PRDM10: variants seen among roughly 807,000 people sequenced by gnomAD.
The protein encoded by PRDM10 is PR/SET domain 10.
PRDM10 carries 65 observed loss-of-function variants against 133.1 expected under a neutral mutation model. That is an observed-to-expected ratio of 0.49 (90% confidence interval 0.40 to 0.60). The LOEUF (loss-of-function observed/expected upper bound fraction) is 0.60. PRDM10 is among the 20% of genes least tolerant of loss of function. The pLI is 0.00. For synonymous variants in PRDM10, 582 were observed against 580.4 expected (o/e 1.00, Z -0.04); for missense variants, 1,137 against 1,507.1 (o/e 0.75, Z 4.07).
chr11:129,988,467 A>C (rs1938545610), intron 1 of PRDM10, among the ~76,000 whole-genome samples: 1 of 151,630 alleles, frequency 6.6e-6, no homozygotes, highest in South Asian at 2.1e-4. Context: ...CCTGGGCTCA[A>C]GTGATTCACC....
Position 129,915,675 on chromosome 11 carries a change from C to G in PRDM10, c.2511G>C (p.Lys837Asn). 1 of 1,610,116 alleles carries G rather than the reference C, an allele frequency of 6.2e-7. No homozygotes were observed. The highest frequency in any genetic ancestry group is 8.5e-7 in the Non-Finnish European group (1 of 1,177,702). ...TPPVCCPHCS[K>N]QYSSKTKMVQ... The stretch of plus-strand genomic sequence containing the variant: ...CTCCCCCTACCTTGCTGCTGTACTG[C>G]TTGGAGCAGTGGGGACAGCAGACGG... The change falls in exon 16 of 21, where the codon AAG becomes AAC. Residue 837 changes from lysine to asparagine, a missense_variant. Physicochemically the swap from Lys to Asn is moderately conservative, Grantham distance 94 (BLOSUM62 0). Coordinates refer to ENST00000360871, the MANE Select transcript of PRDM10 (RefSeq NM_199437.2).
intron 1 of PRDM10, among the ~76,000 whole-genome samples, chr11:129,982,386 C>T (rs1177002431): frequency 6.6e-6 from 1 of 151,906 alleles, no homozygotes; most frequent in Non-Finnish European, 1.5e-5. Context: ...CCTCAGCCTC[C>T]CAAGTAGCTG....
chr11:129,955,481 A>G lies in PRDM10; in HGVS notation c.294+31T>C, dbSNP rs1294070991. ...CAGGCGCAGTGGCATTCACAGTGTT[A>G]TCCCCAAACAAGAAAAAGGCAGTTC... On this transcript the variant is annotated intron_variant, in intron 4 of 20. Transcript: ENST00000360871. 1.9e-6 allele frequency: 3 copies of G among 1,607,856 alleles called. No homozygotes were observed. The Admixed American group carries it at 5.0e-5, about 27-fold the overall frequency.
In PRDM10 at chr11:129,912,588, G is replaced by A. The variant is rs576724727; in HGVS notation, c.2842-363C>T. Among the ~76,000 whole-genome samples, 666 of 151,846 alleles carry A rather than the reference G, an allele frequency of 4.4e-3. 5 individuals are homozygous for A. The highest frequency in any genetic ancestry group is 0.015 in the African/African-American group (633 of 41,432). ...AACATGGTGAAACCCCGTCTCTACT[G>A]AAAATACAAAAAAATTAGCTGGGTG... is the stretch of plus-strand genomic sequence containing the variant. On this transcript the variant is annotated intron_variant, in intron 17 of 20. Coordinates refer to ENST00000360871, the MANE Select transcript of PRDM10 (RefSeq NM_199437.2).
chr11:129,903,657 A>C (rs1044963501), intron 20 of PRDM10, among the ~76,000 whole-genome samples: 6 of 152,148 alleles, frequency 3.9e-5, no homozygotes, highest in Non-Finnish European at 4.4e-5. Flanking sequence ...TCGCAGAGAG[A>C]CTGTCAGGCA....
rs554094995 is a variant in PRDM10 at position 129,959,851 on chromosome 11, T to C, written c.69+1045A>G. Among the ~76,000 whole-genome samples the C allele has an allele frequency of 1.2e-4, 18 of 152,132 alleles. No individual in the cohort carries two copies. The South Asian group carries it at 1.7e-3, about 14-fold the overall frequency. ...TAGAGTGTAGTGGTGCAGTCATGGT[T>C]CACTGCAGCCTCCACCTCCTAGAGA... On this transcript the variant is annotated intron_variant, in intron 2 of 20. Transcript: ENST00000360871.
At chr11:129,960,832 C>T in intron 2 of PRDM10, 64 bp downstream of exon 2, 1 of 1,536,394 alleles carries the variant, frequency 6.5e-7, no homozygotes, top group Non-Finnish European at 9.0e-7. Context: ...TATTTCTTTG[C>T]TGTCAGCAAA....
At chr11:129,990,070 G>A (rs1464823094) in intron 1 of PRDM10, among the ~76,000 whole-genome samples, 3 of 152,062 alleles carry the variant, frequency 2.0e-5, no homozygotes, top group African/African-American at 4.8e-5. Flanking sequence ...CAGGCATGGG[G>A]CGTGGTGGCT....
chr11:129,998,941 T>C (rs1422580414), intron 1 of PRDM10, among the ~76,000 whole-genome samples: 1 of 151,208 alleles, frequency 6.6e-6, no homozygotes, highest in African/African-American at 2.4e-5. Context: ...TCCCACCTCA[T>C]CCTCCTGAGT....
chr11:129,976,124 G>C (rs563994476), intron 1 of PRDM10, among the ~76,000 whole-genome samples: 1 of 152,272 alleles, frequency 6.6e-6, no homozygotes, highest in Admixed American at 6.5e-5. Context: ...ATCAGCACAG[G>C]CCATCCTGTG....
chr11:129,923,099 C>T lies in PRDM10; in HGVS notation c.2034+149G>A. On this transcript the variant is annotated intron_variant, in intron 13 of 20. Transcript: ENST00000360871. This position sits in a 1 kb window ranked among gnomAD's most constrained non-coding sequence, Gnocchi z 4.4. ...TAAGTTTTCCCCCTTAATTTTATAA[C>T]TAAGTCAAACACAAGGCCCAAAGAG... is the stretch of plus-strand genomic sequence containing the variant. 5.3e-6 allele frequency: 5 copies of T among 940,566 alleles called. No individual in the cohort carries two copies. Among genetic ancestry groups the T allele is most frequent in the African/African-American group, 1.7e-5 (1 of 58,108 alleles). 58.3% of individuals were successfully genotyped at this position (940,566 alleles called of 1,614,324 possible).
intron 13 of PRDM10, among the ~76,000 whole-genome samples, chr11:129,922,429 T>C (rs898891870): frequency 6.6e-6 from 1 of 152,234 alleles, no homozygotes; most frequent in African/African-American, 2.4e-5. Flanking sequence ...TGTGCTGTTA[T>C]ATATTCAAAG....
intron 1 of PRDM10, among the ~76,000 whole-genome samples, chr11:129,976,205 T>C (rs938807082): frequency 6.6e-6 from 1 of 152,280 alleles, no homozygotes; most frequent in East Asian, 1.9e-4. Flanking sequence ...GCTCTGATTC[T>C]AGGTTTCCTT....
intron 7 of PRDM10, among the ~76,000 whole-genome samples, chr11:129,939,998 CA>C (rs917354390): frequency 1.3e-5 from 2 of 152,136 alleles, no homozygotes; most frequent in Non-Finnish European, 2.9e-5. Context: ...TTCTCAATGG[CA>C]CAGAAGATGA....
At chr11:129,935,078 G>A in intron 9 of PRDM10, 23 bp downstream of exon 9, 1 of 1,562,592 alleles carries the variant, frequency 6.4e-7, no homozygotes, top group Non-Finnish European at 8.8e-7. Flanking sequence ...CTCAGTCTGT[G>A]AGCATTTCTC....
chr11:129,929,561 A>G, intron 11 of PRDM10: 4 of 708,968 alleles, frequency 5.6e-6, no homozygotes, highest in East Asian at 3.0e-5. Flanking sequence ...GTGTGAGAGA[A>G]AAAAAAACAA....
intron 1 of PRDM10, among the ~76,000 whole-genome samples, chr11:129,971,144 G>A (rs573093732): frequency 6.6e-6 from 1 of 152,234 alleles, no homozygotes; most frequent in African/African-American, 2.4e-5. Flanking sequence ...GCAAACCTTC[G>A]CGGTGAGTGT....
chr11:129,965,290 C>T (rs1951882426), intron 1 of PRDM10, among the ~76,000 whole-genome samples: 1 of 152,126 alleles, frequency 6.6e-6, no homozygotes, highest in Non-Finnish European at 1.5e-5. Flanking sequence ...AATACATTCC[C>T]TGTACATGAA....
intron 2 of PRDM10, among the ~76,000 whole-genome samples, chr11:129,958,371 G>T (rs908946201): frequency 6.6e-6 from 1 of 152,166 alleles, no homozygotes; most frequent in Non-Finnish European, 1.5e-5. Context: ...GCTAGGCGTG[G>T]TGGTTCACAC....
Sources: gnomAD v4.1 joint callset for allele counts (sites outside exome capture counted in the v4.1 genomes callset) on GRCh38, gnomAD v4.1.1 for gene constraint, Gnocchi (gnomAD v3.1) non-coding constraint, MANE v1.5 for transcripts, NCBI Gene and HGNC (gene_info 2026-07-23, HGNC 2026-07-21) for gene names.